The following NRG3 variants were observed in gnomAD, a reference collection of about 807,000 sequenced individuals.
NRG3 encodes pro-neuregulin-3, membrane-bound isoform.
In NRG3, 31 loss-of-function variants were observed where a neutral mutation model predicts 66.9. That is an observed-to-expected ratio of 0.46 (90% CI 0.35 to 0.63). The LOEUF (loss-of-function observed/expected upper bound fraction) is 0.63, where lower values mean the gene tolerates loss of function less well. NRG3 is among the 20% of genes least tolerant of loss of function. The pLI is 0.00. For missense variants in NRG3, 910 were observed against 878.9 expected (o/e 1.04, Z -0.45); for synonymous variants, 393 against 359.4 (o/e 1.09, Z -1.06).
At chr10:81,930,294 G>A (rs1304799501) in intron 1 of NRG3, among the ~76,000 whole-genome samples, 1 of 152,120 alleles carries the variant, frequency 6.6e-6, no homozygotes, top group African/African-American at 2.4e-5. Flanking sequence ...ATACTCAGAG[G>A]CTGCAAATCC....
At chr10:82,201,618 C>G (rs1300298231) in intron 1 of NRG3, among the ~76,000 whole-genome samples, 5 of 150,702 alleles carry the variant, frequency 3.3e-5, no homozygotes, top group Non-Finnish European at 5.9e-5. Flanking sequence ...AAAAAGTTGT[C>G]TTTTTTTTTA....
chr10:82,111,146 G>T (rs2067365377), intron 1 of NRG3, among the ~76,000 whole-genome samples: 1 of 152,060 alleles, frequency 6.6e-6, no homozygotes, highest in African/African-American at 2.4e-5. Flanking sequence ...GGTTGGATCT[G>T]GCCTCTTTAG....
rs1036917071 is a variant in NRG3 at position 82,581,806 on chromosome 10, T to C, written c.954-156771T>C. Among the ~76,000 whole-genome samples the C allele has an allele frequency of 6.6e-5, 10 of 152,024 alleles. No homozygotes were observed. In the South Asian group the frequency reaches 1.2e-3, roughly 19 times the overall value. ...ACTTCTTCCCAAACCCAAGGTAACC[T>C]AGATTTTTTTTCCTTGTTATCTTAT... is the stretch of plus-strand genomic sequence containing the variant. On this transcript the variant is annotated intron_variant, in intron 2 of 8. Transcript: ENST00000372141.
chr10:82,132,525 G>GATATATATATGATATATATATC (rs1554831270), intron 1 of NRG3, among the ~76,000 whole-genome samples: 1 of 54,768 alleles, frequency 1.8e-5, no homozygotes, highest in African/African-American at 6.5e-5. Context: ...TGATATATAT[G>GATATATATATGATATATATATC]ATATATATAT....
chr10:82,384,836 T>C (rs1365498996), intron 2 of NRG3, among the ~76,000 whole-genome samples: 1 of 152,184 alleles, frequency 6.6e-6, no homozygotes, highest in African/African-American at 2.4e-5. Flanking sequence ...TGCCTCTAGG[T>C]CTTTGAGGAA....
At chr10:82,847,425 A>G (rs1471406011) in intron 3 of NRG3, among the ~76,000 whole-genome samples, 1 of 152,218 alleles carries the variant, frequency 6.6e-6, no homozygotes, top group Non-Finnish European at 1.5e-5. Flanking sequence ...TAATTGTTTT[A>G]CAAATTACAT....
chr10:82,926,603 G>C (rs1189858909), intron 4 of NRG3, among the ~76,000 whole-genome samples: 1 of 152,044 alleles, frequency 6.6e-6, no homozygotes, highest in African/African-American at 2.4e-5. Flanking sequence ...TGTAATGCCG[G>C]GTAATTACTT....
chr10:82,895,780 C>T (rs117508708), intron 4 of NRG3, among the ~76,000 whole-genome samples: 3,222 of 152,238 alleles, frequency 0.021, 49 homozygotes, highest in Non-Finnish European at 0.032. Context: ...CGTGAGCCAC[C>T]GCGCCCTACC....
At chr10:82,662,260 G>A (rs1024351437) in intron 2 of NRG3, among the ~76,000 whole-genome samples, 2 of 151,834 alleles carry the variant, frequency 1.3e-5, no homozygotes, top group African/African-American at 4.8e-5. Context: ...TTGGGGGCAA[G>A]AAGTGCCCTG....
rs73316146 is a variant in NRG3 at position 82,376,317 on chromosome 10, T to G, written c.953+17449T>G. 5.6e-3 allele frequency among the ~76,000 whole-genome samples: 849 copies of G among 152,320 alleles called. 8 individuals are homozygous for G. The highest frequency in any genetic ancestry group is 0.02 in the African/African-American group (822 of 41,564). The stretch of plus-strand genomic sequence containing the variant: ...AAGTGGGACTAAGGCATTTGTCTTT[T>G]AAAGCTGCCTAAGTGATTTCCATGG... On this transcript the variant is annotated intron_variant, in intron 2 of 8. Transcript: ENST00000372141.
intron 1 of NRG3, among the ~76,000 whole-genome samples, chr10:82,170,511 T>C (rs1265691433): frequency 6.6e-6 from 1 of 151,600 alleles, no homozygotes; most frequent in Admixed American, 6.6e-5. Context: ...TGGTTCACCA[T>C]TCAACACCTG....
intron 1 of NRG3, among the ~76,000 whole-genome samples, chr10:82,117,097 A>ATAGCCACC (rs2067773530): frequency 6.6e-6 from 1 of 152,052 alleles, no homozygotes; most frequent in South Asian, 2.1e-4. Flanking sequence ...TAGATGGCCG[A>ATAGCCACC]TAGCCACCTT....
intron 1 of NRG3, among the ~76,000 whole-genome samples, chr10:82,044,664 G>A (rs933309642): frequency 6.6e-6 from 1 of 151,922 alleles, no homozygotes; most frequent in African/African-American, 2.4e-5. Context: ...CCATGCTGGT[G>A]TGCTGCACCT....
intron 1 of NRG3, among the ~76,000 whole-genome samples, chr10:81,971,658 G>C (rs2059938630): frequency 6.6e-6 from 1 of 152,240 alleles, no homozygotes; most frequent in South Asian, 2.1e-4. Context: ...AAAGTCATAT[G>C]ATTGTGCCAG....
intron 1 of NRG3, among the ~76,000 whole-genome samples, chr10:82,172,997 G>A (rs1052458200): frequency 1.3e-5 from 2 of 152,122 alleles, no homozygotes; most frequent in African/African-American, 2.4e-5. Context: ...GAAAGTGTCT[G>A]TGCAGGAAAA....
chr10:82,239,654 C>CT (rs1258454835), intron 1 of NRG3, among the ~76,000 whole-genome samples: 2 of 152,062 alleles, frequency 1.3e-5, no homozygotes, highest in Non-Finnish European at 2.9e-5. Context: ...TAATCTATGA[C>CT]TTTTTTTGCT....
chr10:82,160,698 A>G (rs894841314), intron 1 of NRG3, among the ~76,000 whole-genome samples: 1 of 151,994 alleles, frequency 6.6e-6, no homozygotes, highest in African/African-American at 2.4e-5. Flanking sequence ...TTGACTTTGA[A>G]TGCAGGATTT....
intron 3 of NRG3, among the ~76,000 whole-genome samples, chr10:82,764,682 T>TA (rs34955542): frequency 6.6e-6 from 1 of 151,998 alleles, no homozygotes. Flanking sequence ...AGCCAGCAAA[T>TA]AAAAAATTTT....
intron 2 of NRG3, among the ~76,000 whole-genome samples, chr10:82,604,869 C>G (rs2133433703): frequency 6.6e-6 from 1 of 151,760 alleles, no homozygotes; most frequent in South Asian, 2.1e-4. Flanking sequence ...ATTTCAAATC[C>G]CTATTGTTTA....
Sources: allele counts gnomAD v4.1 joint callset (sites outside exome capture counted in the v4.1 genomes callset), GRCh38; gene constraint gnomAD v4.1.1; transcripts MANE v1.5; gene names NCBI Gene and HGNC (gene_info 2026-07-23, HGNC 2026-07-21).